Variants in WNT3 observed in about 807,000 individuals in gnomAD.
The protein encoded by WNT3 is Wnt family member 3.
WNT3 carries 7 observed loss-of-function variants against 34.2 expected under a neutral mutation model. The observed-to-expected ratio is 0.20, with a 90% confidence interval of 0.12 to 0.38. WNT3 has a LOEUF of 0.38. WNT3 is among the 10% of genes least tolerant of loss of function. The pLI, the probability that WNT3 is intolerant of heterozygous loss-of-function variation, is 1.00. For synonymous variants in WNT3, 212 were observed against 211.5 expected, an observed-to-expected ratio of 1.00 and a Z score of -0.02; for missense variants, 267 against 499.8, an observed-to-expected ratio of 0.53 and a Z score of 4.44.
At chr17:46,771,992 A>G (rs538279825) in intron 2 of WNT3, among the ~76,000 whole-genome samples, 3 of 150,620 alleles carry the variant, frequency 2.0e-5, no homozygotes, top group African/African-American at 7.3e-5. Flanking sequence ...GACTCGCGGA[A>G]GACGCGCGCC....
intron 1 of WNT3, among the ~76,000 whole-genome samples, chr17:46,787,572 C>T (rs775762611): frequency 2.6e-5 from 4 of 152,182 alleles, no homozygotes; most frequent in Non-Finnish European, 4.4e-5. Context: ...TCTCATAGCA[C>T]GCAGATCGTT....
chr17:46,808,163 C>T (rs931734933), intron 1 of WNT3, among the ~76,000 whole-genome samples: 5 of 152,148 alleles, frequency 3.3e-5, no homozygotes, highest in South Asian at 2.1e-4. Flanking sequence ...AACTGAGGCC[C>T]GGGAGGCAGT....
chr17:46,790,073 A>T (rs1006832921), intron 1 of WNT3, among the ~76,000 whole-genome samples: 6 of 152,034 alleles, frequency 3.9e-5, no homozygotes, highest in Non-Finnish European at 7.4e-5. Context: ...CCTCCCTTGC[A>T]GCCCCATTCT....
At chr17:46,775,931 G>A (rs1346674308) in intron 1 of WNT3, among the ~76,000 whole-genome samples, 3 of 152,174 alleles carry the variant, frequency 2.0e-5, no homozygotes, top group East Asian at 1.9e-4. Flanking sequence ...CTGATTTATC[G>A]GTGGTAATGG....
rs368383399 is a variant in WNT3 at position 46,795,256 on chromosome 17, C to A, written c.81-21347G>T. Reference sequence around the variant, plus strand: ...TCCGAAACCTCCTACCCCACACCAGCGCATTCAGCCCCTCTACCGGCGCCC... The same window carrying A: ...TCCGAAACCTCCTACCCCACACCAGAGCATTCAGCCCCTCTACCGGCGCCC... On this transcript the variant is annotated intron_variant, in intron 1 of 4. Transcript: ENST00000225512. Among the ~76,000 whole-genome samples, 280 of 152,294 alleles carry A rather than the reference C, an allele frequency of 1.8e-3. 12 individuals are homozygous for A. The South Asian group carries it at 0.056, about 30-fold the overall frequency.
At chr17:46,797,144 A>AT (rs752467941) in intron 1 of WNT3, among the ~76,000 whole-genome samples, 35 of 152,326 alleles carry the variant, frequency 2.3e-4, no homozygotes, top group Admixed American at 1.2e-3. Flanking sequence ...AATGAGAACA[A>AT]TAAACACCAA....
At chr17:46,817,525 G>A (rs1013206394) in intron 1 of WNT3, among the ~76,000 whole-genome samples, 1 of 152,110 alleles carries the variant, frequency 6.6e-6, no homozygotes, top group African/African-American at 2.4e-5. Context: ...TGGGACCTGC[G>A]GAGGGTGGGA....
chr17:46,794,636 C>T (rs1005597726), intron 1 of WNT3, among the ~76,000 whole-genome samples: 5 of 152,076 alleles, frequency 3.3e-5, no homozygotes, highest in Admixed American at 1.3e-4. Context: ...GTCAAACTTT[C>T]GACAGTCCTA....
intron 1 of WNT3, among the ~76,000 whole-genome samples, chr17:46,789,953 C>T (rs185169849): frequency 6.6e-6 from 1 of 152,290 alleles, no homozygotes; most frequent in Admixed American, 6.5e-5. Context: ...CTTTGCGCCT[C>T]ATCCCCCCAC....
At chr17:46,784,961 TAG>T (rs1469547701) in intron 1 of WNT3, among the ~76,000 whole-genome samples, 2 of 152,042 alleles carry the variant, frequency 1.3e-5, no homozygotes, top group Non-Finnish European at 2.9e-5. Flanking sequence ...TATTTTTTAG[TAG>T]AGACGGGGTT....
At chr17:46,818,435 C>A (rs1214000113) in intron 1 of WNT3, 83 bp downstream of exon 1, 1 of 1,383,914 alleles carries the variant, frequency 7.2e-7, no homozygotes, top group Non-Finnish European at 1.0e-6. Flanking sequence ...AGCCCTGCAG[C>A]GGCCCACCCC....
chr17:46,793,621 G>A (rs2084016703), intron 1 of WNT3, among the ~76,000 whole-genome samples: 1 of 152,160 alleles, frequency 6.6e-6, no homozygotes. Flanking sequence ...AGAATTTCAG[G>A]GGACCAGAGA....
chr17:46,785,041 T>G (rs2146409298), intron 1 of WNT3, among the ~76,000 whole-genome samples: 1 of 152,208 alleles, frequency 6.6e-6, no homozygotes, highest in East Asian at 1.9e-4. Context: ...CCTCCCAAAG[T>G]GCTGGGATTA....
At chr17:46,776,143 C>T (rs2059410413) in intron 1 of WNT3, among the ~76,000 whole-genome samples, 1 of 152,242 alleles carries the variant, frequency 6.6e-6, no homozygotes, top group Non-Finnish European at 1.5e-5. Flanking sequence ...GGGTGTCAGA[C>T]TCCAGAGCCC....
chr17:46,772,680 C>G (rs2059384299), intron 2 of WNT3, among the ~76,000 whole-genome samples: 1 of 152,232 alleles, frequency 6.6e-6, no homozygotes, highest in Admixed American at 6.5e-5. Flanking sequence ...ATAGCCAGCA[C>G]TTTGCCTGTA....
At chr17:46,800,797 A>G (rs560499719) in intron 1 of WNT3, among the ~76,000 whole-genome samples, 21 of 152,298 alleles carry the variant, frequency 1.4e-4, no homozygotes, top group African/African-American at 4.6e-4. Context: ...GGTGACTTAC[A>G]GTCTAGTCCA....
rs770718548 is a variant in WNT3, at chr17:46,768,663, G to C, written c.725C>G (p.Ser242Trp). The C allele has an allele frequency of 6.2e-7, 1 of 1,614,152 alleles. No individual in the cohort carries two copies. The highest frequency in any genetic ancestry group is 8.5e-7 in the Non-Finnish European group (1 of 1,180,040). ...DFLKDKYDSASEMVVEKHRES... is the reference protein window; with the variant it reads ...DFLKDKYDSAWEMVVEKHRES... ...ACGGTGCTTCTCTACTACCATCTCC[G>C]AGGCGCTGTCATACTTGTCCTTGAG... Residue 242 changes from serine (S) to tryptophan (W), a missense_variant, in exon 4 of 5, where the codon TCG becomes TGG. Physicochemically the swap from Ser to Trp is radical, Grantham distance 177. Transcript: ENST00000225512. The surrounding 1 kb of genome is among the most constrained non-coding windows in gnomAD (Gnocchi z 5.0).
chr17:46,774,349 C>G lies in WNT3; in HGVS notation c.81-440G>C, dbSNP rs141322073. On this transcript the variant is annotated intron_variant, in intron 1 of 4. Transcript: ENST00000225512. ...TGGACACTTCCAGTGACTCATGGGACACGCGCGCGCGCGCACACACACACA... is the reference window on the plus strand; with the variant it reads ...TGGACACTTCCAGTGACTCATGGGAGACGCGCGCGCGCGCACACACACACA... Among the ~76,000 whole-genome samples, 513 of 152,316 alleles carry G rather than the reference C, an allele frequency of 3.4e-3. 12 individuals carry two copies. Among genetic ancestry groups the G allele is most frequent in the Admixed American group, 0.027 (412 of 15,302 alleles).
intron 1 of WNT3, among the ~76,000 whole-genome samples, chr17:46,816,475 G>GCACGCACACACACACACA (rs1475869479): frequency 2.1e-5 from 3 of 144,242 alleles, no homozygotes; most frequent in African/African-American, 7.7e-5. Context: ...CAGAACACAC[G>GCACGCACACACACACACA]CACACACACA....
Sources: allele counts gnomAD v4.1 joint callset (sites outside exome capture counted in the v4.1 genomes callset), GRCh38; gene constraint gnomAD v4.1.1; non-coding constraint Gnocchi (gnomAD v3.1); transcripts MANE v1.5; gene names NCBI Gene and HGNC (gene_info 2026-07-23, HGNC 2026-07-21).